The following GPHN variants were observed in gnomAD, a reference collection of about 807,000 sequenced individuals.
GPHN encodes the protein gephyrin.
GPHN carries 17 observed loss-of-function variants against 95.5 expected under a neutral mutation model. The ratio of observed to expected loss-of-function variants is 0.18; its 90% CI spans 0.12 to 0.27. The LOEUF is 0.27. Among genes scored for constraint, GPHN ranks in the 10% least tolerant of loss-of-function variants. The probability of loss-of-function intolerance (pLI) is 1.00; values close to 1 mark genes in which losing one functional copy is unlikely to be tolerated. For synonymous variants in GPHN, 320 were observed against 322.5 expected, an observed-to-expected ratio of 0.99 and a Z score of 0.08; for missense variants, 660 against 978.1, an observed-to-expected ratio of 0.67 and a Z score of 4.34.
At chr14:66,517,230 C>T (rs2058286209) in intron 1 of GPHN, among the ~76,000 whole-genome samples, 1 of 151,496 alleles carries the variant, frequency 6.6e-6, no homozygotes, top group Non-Finnish European at 1.5e-5. Flanking sequence ...GTGCCCCCCT[C>T]TTCACTTTCA....
intron 1 of GPHN, among the ~76,000 whole-genome samples, chr14:66,582,476 T>C (rs1405949465): frequency 6.6e-6 from 1 of 152,082 alleles, no homozygotes; most frequent in African/African-American, 2.4e-5. Context: ...GTTGGTGTGC[T>C]GCACCCATTA....
At chr14:67,462,376 G>A in the GPHN span, among the ~76,000 whole-genome samples, 1 of 152,158 alleles carries the variant, frequency 6.6e-6, no homozygotes, top group Non-Finnish European at 1.5e-5. Flanking sequence ...AGAGAGCCAG[G>A]TTCTTACTCT....
chr14:67,027,418 C>T (rs1185641182), intron 10 of GPHN, among the ~76,000 whole-genome samples: 1 of 152,148 alleles, frequency 6.6e-6, no homozygotes, highest in African/African-American at 2.4e-5. Flanking sequence ...GCAACCTCCA[C>T]CTCCCAGGTT....
chr14:67,217,033 T>C, the GPHN span, among the ~76,000 whole-genome samples: 1 of 152,204 alleles, frequency 6.6e-6, no homozygotes, highest in Non-Finnish European at 1.5e-5. Context: ...TATTATTGTA[T>C]TGGGATCTCT....
the GPHN span, among the ~76,000 whole-genome samples, chr14:67,313,856 TCA>T: frequency 1.1e-4 from 16 of 152,120 alleles, no homozygotes; most frequent in Non-Finnish European, 1.2e-4. Flanking sequence ...CTGTATATGC[TCA>T]GTTTATAAAC....
chr14:67,085,519 C>T (rs1290248033), intron 11 of GPHN, among the ~76,000 whole-genome samples: 2 of 152,144 alleles, frequency 1.3e-5, no homozygotes, highest in African/African-American at 4.8e-5. Flanking sequence ...GTCTTTCAAA[C>T]TTAGCATATT....
the GPHN span, among the ~76,000 whole-genome samples, chr14:67,253,782 G>A: frequency 1.3e-5 from 2 of 151,820 alleles, no homozygotes; most frequent in Admixed American, 1.3e-4. Flanking sequence ...TCAAGGCTGT[G>A]GTGAGCCATG....
chr14:66,706,910 A>C (rs1202798244), intron 2 of GPHN, among the ~76,000 whole-genome samples: 2 of 152,142 alleles, frequency 1.3e-5, no homozygotes, highest in East Asian at 1.9e-4. Flanking sequence ...TGCAATCTAC[A>C]CATCTGACAA....
chr14:67,388,000 G>T, the GPHN span, among the ~76,000 whole-genome samples: 1 of 152,184 alleles, frequency 6.6e-6, no homozygotes, highest in South Asian at 2.1e-4. Flanking sequence ...CACAGAAACT[G>T]AGGGGAAAGA....
At chr14:67,336,863 A>G in the GPHN span, 2 of 431,680 alleles carry the variant, frequency 4.6e-6, no homozygotes, top group Non-Finnish European at 9.3e-6. Context: ...AGCAGCAACC[A>G]GATTTCCTAA....
the GPHN span, chr14:67,616,101 C>A: frequency 7.2e-6 from 2 of 278,328 alleles, no homozygotes. Flanking sequence ...TGAATAAGTT[C>A]GAGTGCAGTT....
the GPHN span, chr14:67,619,958 G>C: frequency 6.5e-7 from 1 of 1,542,512 alleles, no homozygotes; most frequent in Non-Finnish European, 8.8e-7. Flanking sequence ...CTGCCTTGGA[G>C]ATTCTCAGTG....
At chr14:66,803,040 T>C (rs1323781684) in intron 3 of GPHN, among the ~76,000 whole-genome samples, 1 of 152,198 alleles carries the variant, frequency 6.6e-6, no homozygotes, top group African/African-American at 2.4e-5. Context: ...ATTGCAGTCC[T>C]TGTGGCCTCA....
chr14:67,701,280 A>G, the GPHN span, among the ~76,000 whole-genome samples: 1 of 151,928 alleles, frequency 6.6e-6, no homozygotes, highest in East Asian at 1.9e-4. Flanking sequence ...ATTCACTAAG[A>G]GCAAATTTAT....
At chr14:67,370,952 C>T in the GPHN span, among the ~76,000 whole-genome samples, 1 of 151,988 alleles carries the variant, frequency 6.6e-6, no homozygotes, top group African/African-American at 2.4e-5. Context: ...TTGCTTGAGG[C>T]CAGGAGAACA....
At chr14:67,030,721 C>G (rs891663404) in intron 10 of GPHN, among the ~76,000 whole-genome samples, 1 of 152,100 alleles carries the variant, frequency 6.6e-6, no homozygotes, top group Non-Finnish European at 1.5e-5. Flanking sequence ...CAGTGTAGTG[C>G]TTTTCTGTCT....
chr14:67,662,333 C>A, the GPHN span: 1 of 718,568 alleles, frequency 1.4e-6, no homozygotes, highest in Non-Finnish European at 2.3e-6. Flanking sequence ...AACAACCATC[C>A]CCATCAACTG....
At chr14:67,435,237 G>T in the GPHN span, among the ~76,000 whole-genome samples, 1 of 152,096 alleles carries the variant, frequency 6.6e-6, no homozygotes, top group African/African-American at 2.4e-5. Context: ...AAAATGCTGG[G>T]ATTACAAGCC....
intron 2 of GPHN, among the ~76,000 whole-genome samples, chr14:66,706,763 C>T (rs915156091): frequency 6.6e-6 from 1 of 152,124 alleles, no homozygotes; most frequent in Non-Finnish European, 1.5e-5. Flanking sequence ...GCAAAGACTT[C>T]TTGACAAAAA....
Sources: allele counts gnomAD v4.1 joint callset (sites outside exome capture counted in the v4.1 genomes callset), GRCh38; gene constraint gnomAD v4.1.1; transcripts MANE v1.5; gene names NCBI Gene and HGNC (gene_info 2026-07-23, HGNC 2026-07-21).